MEGF10: variants seen among roughly 807,000 people sequenced by gnomAD.
The protein encoded by MEGF10 is multiple EGF like domains 10, also known as multiple epidermal growth factor-like domains protein 10.
MEGF10 carries 86 observed loss-of-function variants against 147.5 expected under a neutral mutation model. The observed-to-expected ratio is 0.58, with a 90% CI of 0.49 to 0.70. MEGF10 has a LOEUF of 0.70. MEGF10 is among the 30% of genes least tolerant of loss of function. The pLI, the probability that MEGF10 is intolerant of heterozygous loss-of-function variation, is 0.00. For missense variants in MEGF10, 1,329 were observed against 1,487.3 expected, an observed-to-expected ratio of 0.89 and a Z score of 1.75; for synonymous variants, 478 against 525.5, an observed-to-expected ratio of 0.91 and a Z score of 1.24.
chr5:127,333,410 G>A (rs1272782224), intron 2 of MEGF10, among the ~76,000 whole-genome samples: 1 of 152,040 alleles, frequency 6.6e-6, no homozygotes, highest in Admixed American at 6.6e-5. Flanking sequence ...TACTTGGGGG[G>A]CTGAGGCACA....
At chr5:127,249,837 G>A in the MEGF10 span, among the ~76,000 whole-genome samples, 7 of 152,054 alleles carry the variant, frequency 4.6e-5, no homozygotes, top group Non-Finnish European at 8.8e-5. Context: ...GTGTCTGTGA[G>A]GTTCTGGTCT....
At chr5:127,240,311 T>G in the MEGF10 span, among the ~76,000 whole-genome samples, 1 of 152,208 alleles carries the variant, frequency 6.6e-6, no homozygotes, top group South Asian at 2.1e-4. Context: ...TGGTAGCAGG[T>G]CCATTTCTCT....
chr5:127,362,260 G>T (rs1407621728), intron 4 of MEGF10, among the ~76,000 whole-genome samples: 1 of 148,382 alleles, frequency 6.7e-6, no homozygotes, highest in Non-Finnish European at 1.5e-5. Context: ...TCTAATAATA[G>T]TCTTTGTTCT....
At chr5:127,392,409 T>A (rs1437888565) in intron 5 of MEGF10, among the ~76,000 whole-genome samples, 1 of 152,192 alleles carries the variant, frequency 6.6e-6, no homozygotes, top group Non-Finnish European at 1.5e-5. Context: ...AGTTTAGGCA[T>A]CAGTTTAGCT....
the MEGF10 span, among the ~76,000 whole-genome samples, chr5:127,258,215 T>C: frequency 2.6e-5 from 4 of 152,208 alleles, no homozygotes; most frequent in African/African-American, 9.6e-5. Context: ...GTGACTTTTA[T>C]GTTAGCATCA....
chr5:127,425,449 T>G (rs1250631752), intron 13 of MEGF10, among the ~76,000 whole-genome samples: 1 of 152,220 alleles, frequency 6.6e-6, no homozygotes, highest in East Asian at 1.9e-4. Flanking sequence ...GTCTCATTTC[T>G]GGGTCTTCTG....
intron 22 of MEGF10, among the ~76,000 whole-genome samples, chr5:127,452,397 G>A (rs1314633396): frequency 6.6e-6 from 1 of 152,216 alleles, no homozygotes; most frequent in Non-Finnish European, 1.5e-5. Flanking sequence ...AGAGGCCACA[G>A]ACTGTGCCCC....
intron 18 of MEGF10, among the ~76,000 whole-genome samples, chr5:127,441,861 T>C (rs1276324065): frequency 2.0e-5 from 3 of 152,192 alleles, no homozygotes; most frequent in Non-Finnish European, 4.4e-5. Flanking sequence ...GTTGCCTCAA[T>C]TTTATGTGCT....
chr5:127,421,732 A>G (rs1765012451), intron 12 of MEGF10, among the ~76,000 whole-genome samples: 1 of 152,170 alleles, frequency 6.6e-6, no homozygotes, highest in Admixed American at 6.5e-5. Flanking sequence ...ATCAGAGAAA[A>G]GTAACAAAAT....
At chr5:127,338,427 T>G (rs1025977521) in intron 2 of MEGF10, among the ~76,000 whole-genome samples, 1 of 152,140 alleles carries the variant, frequency 6.6e-6, no homozygotes, top group African/African-American at 2.4e-5. Flanking sequence ...GCCCATAGGC[T>G]TGTATGTTTT....
At chr5:127,428,247 G>C (rs1765272531) in intron 13 of MEGF10, among the ~76,000 whole-genome samples, 1 of 145,216 alleles carries the variant, frequency 6.9e-6, no homozygotes. Context: ...ATATAAAGCA[G>C]ATTCTTTTTT....
At chr5:127,348,805 A>G (rs1221423911) in intron 4 of MEGF10, among the ~76,000 whole-genome samples, 1 of 152,184 alleles carries the variant, frequency 6.6e-6, no homozygotes. Flanking sequence ...GAATTCGTAC[A>G]TTTAATAGAT....
At chr5:127,254,258 T>C in the MEGF10 span, among the ~76,000 whole-genome samples, 1 of 152,124 alleles carries the variant, frequency 6.6e-6, no homozygotes, top group Non-Finnish European at 1.5e-5. Flanking sequence ...GTCCCCCAAC[T>C]CAAATACACC....
At chr5:127,436,926 A>G (rs1033072693) in intron 16 of MEGF10, among the ~76,000 whole-genome samples, 2 of 152,250 alleles carry the variant, frequency 1.3e-5, no homozygotes, top group Non-Finnish European at 2.9e-5. Flanking sequence ...AAAGGGGTAC[A>G]TTTAAAGGGG....
chr5:127,396,601 A>C lies in MEGF10; in HGVS notation c.482A>C (p.Asn161Thr). The C allele has an allele frequency of 6.2e-7, 1 of 1,612,308 alleles. No homozygotes were observed. Among genetic ancestry groups the C allele is most frequent in the South Asian group, 1.1e-5 (1 of 90,848 alleles). Residue 161 changes from asparagine to threonine, a missense_variant, in exon 6 of 25, where the codon AAC becomes ACC. By Grantham distance (65) the Asn-to-Thr change is moderately conservative. Transcript: ENST00000503335. ...RCQCKNGALCNPITGACHCAA... is the reference protein window; with the variant it reads ...RCQCKNGALCTPITGACHCAA... ...CAGTGCAAAAATGGGGCTCTGTGCA[A>C]CCCCATCACCGGGGCTTGCCACTGT...
intron 9 of MEGF10, among the ~76,000 whole-genome samples, chr5:127,411,979 G>T (rs1315724493): frequency 6.6e-6 from 1 of 152,234 alleles, no homozygotes; most frequent in Non-Finnish European, 1.5e-5. Flanking sequence ...TCTGCTATGA[G>T]AAGAATTGGA....
the MEGF10 span, among the ~76,000 whole-genome samples, chr5:127,267,046 T>C: frequency 6.6e-6 from 1 of 152,236 alleles, no homozygotes; most frequent in Non-Finnish European, 1.5e-5. Flanking sequence ...CAGTATGATA[T>C]TGGCTGTGGG....
the MEGF10 span, among the ~76,000 whole-genome samples, chr5:127,272,876 G>A: frequency 2.6e-4 from 39 of 152,280 alleles, 1 homozygote; most frequent in South Asian, 4.1e-3. Flanking sequence ...ATCTGCAAAC[G>A]GAGATAGTTT....
chr5:127,363,026 A>G (rs534475076), intron 4 of MEGF10, among the ~76,000 whole-genome samples: 4 of 152,250 alleles, frequency 2.6e-5, no homozygotes, highest in African/African-American at 9.6e-5. Context: ...CTTCAGGGAG[A>G]GAATGAGGTA....
Sources: allele counts gnomAD v4.1 joint callset (sites outside exome capture counted in the v4.1 genomes callset), GRCh38; gene constraint gnomAD v4.1.1; transcripts MANE v1.5; gene names NCBI Gene and HGNC (gene_info 2026-07-23, HGNC 2026-07-21).